CSTF2T: variants seen among roughly 807,000 people sequenced by gnomAD.
CSTF2T encodes cleavage stimulation factor subunit 2 tau variant, also known as CF-1 64 kDa subunit tau.
A neutral mutation model predicts 39.9 loss-of-function variants in CSTF2T; 18 were observed. The observed-to-expected ratio is 0.45, with a 90% CI of 0.31 to 0.67. The LOEUF (loss-of-function observed/expected upper bound fraction) is 0.67. Among genes scored for constraint, CSTF2T ranks in the 30% least tolerant of loss-of-function variants. CSTF2T has a pLI of 0.06. For missense variants in CSTF2T, 681 were observed against 789.0 expected, an observed-to-expected ratio of 0.86 and a Z score of 1.64; for synonymous variants, 291 against 276.4, an observed-to-expected ratio of 1.05 and a Z score of -0.52.
chr10:51,698,754 C>G lies in CSTF2T; in HGVS notation c.796G>C (p.Gly266Arg), dbSNP rs768997942. Residue 266 changes from glycine (G) to arginine (R), a missense_variant, in exon 1 of 1, where the codon GGG becomes CGG. Physicochemically the swap from Gly to Arg is moderately radical, Grantham distance 125. This residue lies in a region of CSTF2T where 329 missense variants were observed against 344.1 expected (regional missense o/e 0.96). Coordinates refer to ENST00000331173, the MANE Select transcript of CSTF2T (RefSeq NM_015235.3). Reference sequence around the variant, plus strand: ...CCGGGAACTGCAGCTGGTATTGGCCCTGGAGCTGGAATTCCACCCTGGATA... The same window carrying G: ...CCGGGAACTGCAGCTGGTATTGGCCGTGGAGCTGGAATTCCACCCTGGATA... ...TPIQGGIPAP[G>R]PIPAAVPGAG... 6.2e-7 allele frequency: 1 copy of G among 1,614,054 alleles called. No individual in the cohort carries two copies.
At position 51,698,778 on chromosome 10, in the gene CSTF2T, T is replaced by C. The variant is rs1424545729; in HGVS notation, c.772A>G (p.Ile258Val). 7 of 1,614,126 alleles carry C rather than the reference T, an allele frequency of 4.3e-6. No individual in the cohort carries two copies. Among genetic ancestry groups the C allele is most frequent in the Non-Finnish European group, 5.1e-6 (6 of 1,180,026 alleles). The stretch of plus-strand genomic sequence containing the variant: ...CCTGGAGCTGGAATTCCACCCTGGA[T>C]AGGAGTCTGCATCAGAGGAGGAATG... ...KDIPPLMQTP[I>V]QGGIPAPGPI... Residue 258 changes from isoleucine to valine, a missense_variant, in exon 1 of 1, where the codon ATC (isoleucine) becomes GTC (valine). Coordinates refer to ENST00000331173, the MANE Select transcript of CSTF2T (RefSeq NM_015235.3).
chr10:51,699,573 A>C lies in CSTF2T; in HGVS notation c.-24T>G, dbSNP rs1841407940. ...ATGATTCCGGTTGTGCAGACAGCCG[A>C]TAGCGGATTCTTCGAGGCGTCTGTC... On this transcript the variant is annotated 5_prime_UTR_variant, in exon 1 of 1. Coordinates refer to ENST00000331173, the MANE Select transcript of CSTF2T (RefSeq NM_015235.3). 5.7e-6 allele frequency: 9 copies of C among 1,587,618 alleles called. No individual in the cohort carries two copies. Among genetic ancestry groups the C allele is most frequent in the African/African-American group, 1.4e-5 (1 of 73,834 alleles).
At position 51,697,619 on chromosome 10, in the gene CSTF2T, A is replaced by G. The variant is rs2132405538; in HGVS notation, c.*80T>C. 7.3e-7 allele frequency: 1 copy of G among 1,369,888 alleles called. No homozygotes were observed. Among genetic ancestry groups the G allele is most frequent in the South Asian group, 1.3e-5 (1 of 77,664 alleles). The allele number at this position is 1,369,888 out of a possible 1,614,324, so 84.9% of individuals were successfully genotyped here. A position where few individuals can be genotyped will look rare whatever the true frequency, so the allele number is the denominator to read the frequency against. The stretch of plus-strand genomic sequence containing the variant: ...GAAACCCTAATCCAAGTGTGGGGAT[A>G]CAGAAGTCAGCTTTTTGCACCCATT... On this transcript the variant is annotated 3_prime_UTR_variant, in exon 1 of 1. Transcript: ENST00000331173.
At position 51,699,253 on chromosome 10, in the gene CSTF2T, C is replaced by A; in HGVS notation, c.297G>T (p.Glu99Asp). 1 of 1,614,042 alleles carries A rather than the reference C, an allele frequency of 6.2e-7. No individual in the cohort carries two copies. The highest frequency in any genetic ancestry group is 2.2e-5 in the East Asian group (1 of 44,854). Residue 99 changes from glutamate to aspartate, a missense_variant, in exon 1 of 1, where the codon GAG becomes GAT. Physicochemically the swap from Glu to Asp is conservative, Grantham distance 45. This residue lies in a region of CSTF2T where 65 missense variants were observed against 134.2 expected (regional missense o/e 0.48). Coordinates refer to ENST00000331173, the MANE Select transcript of CSTF2T (RefSeq NM_015235.3). ...CTGCAGGCCCAAGGCTCTTTAACTCCTCCTTATTCTTTTCACTGGCAGCAT... is the reference window on the plus strand; with the variant it reads ...CTGCAGGCCCAAGGCTCTTTAACTCATCCTTATTCTTTTCACTGGCAGCAT... Reference protein sequence around the residue: ...VDNAASEKNKEELKSLGPAAP... With the variant: ...VDNAASEKNKDELKSLGPAAP...
rs749005741 is a variant in CSTF2T at position 51,696,823 on chromosome 10, C to T, written c.*876G>A. On this transcript the variant is annotated 3_prime_UTR_variant, in exon 1 of 1. Transcript: ENST00000331173. ...ATGAAAAGTCAAATACCATTTATAA[C>T]TCATCTAGATCAACCAGTCCCTAGA... The T allele has an allele frequency of 6.6e-6, 1 of 152,070 alleles. No homozygotes were observed. The highest frequency in any genetic ancestry group is 1.5e-5 in the Non-Finnish European group (1 of 68,022). 9.4% of individuals were successfully genotyped at this position (152,070 alleles called of 1,614,324 possible).
Position 51,697,548 on chromosome 10 carries a change from A to T in CSTF2T, c.*151T>A. 3 of 798,034 alleles carry T rather than the reference A, an allele frequency of 3.8e-6. No homozygotes were observed. The highest frequency in any genetic ancestry group is 1.9e-5 in the South Asian group (1 of 52,462). 49.4% of individuals were successfully genotyped at this position (798,034 alleles called of 1,614,324 possible). A position where few individuals can be genotyped will look rare whatever the true frequency, so the allele number is the denominator to read the frequency against. ...TCAATTAAAAAAAAAAGGAAAACAG[A>T]AAGAAAGAAAAAGAACAAAAAATAA... On this transcript the variant is annotated 3_prime_UTR_variant, in exon 1 of 1. Transcript: ENST00000331173.
In CSTF2T at chr10:51,697,454, T is replaced by G. The variant is rs1000903918; in HGVS notation, c.*245A>C. The G allele has an allele frequency of 7.7e-6, 4 of 516,150 alleles. No homozygotes were observed. The highest frequency in any genetic ancestry group is 7.7e-5 in the African/African-American group (4 of 51,902). 32.0% of individuals were successfully genotyped at this position (516,150 alleles called of 1,614,324 possible). A position where few individuals can be genotyped will look rare whatever the true frequency, so the allele number is the denominator to read the frequency against. On this transcript the variant is annotated 3_prime_UTR_variant, in exon 1 of 1. Coordinates refer to ENST00000331173, the MANE Select transcript of CSTF2T (RefSeq NM_015235.3). ...TTCTTTGTAATCTTATTTGGCATAA[T>G]ATAATCATGTTCAGAGTTATTTTAA...
chr10:51,699,159 C>T lies in CSTF2T; in HGVS notation c.391G>A (p.Ala131Thr), dbSNP rs1252449904. ...PEDAPESITR[A>T]VASLPPEQMF... Reference sequence around the variant, plus strand: ...TGCTCCGGGGGGAGACTGGCTACTGCTCTGGTAATCGATTCAGGGGCATCT... The same window carrying T: ...TGCTCCGGGGGGAGACTGGCTACTGTTCTGGTAATCGATTCAGGGGCATCT... The change falls in exon 1 of 1, where the codon GCA (alanine) becomes ACA (threonine). Residue 131 changes from alanine (A) to threonine (T), a missense_variant. Ala to Thr is a moderately conservative substitution (Grantham distance 58, BLOSUM62 0). This residue lies in a region of CSTF2T where 329 missense variants were observed against 344.1 expected (regional missense o/e 0.96). Transcript: ENST00000331173. 6.2e-7 allele frequency: 1 copy of T among 1,614,066 alleles called. No individual in the cohort carries two copies. Among genetic ancestry groups the T allele is most frequent in the African/African-American group, 1.3e-5 (1 of 74,946 alleles).
chr10:51,698,246 C>G lies in CSTF2T; in HGVS notation c.1304G>C (p.Arg435Thr). 1 of 1,614,160 alleles carries G rather than the reference C, an allele frequency of 6.2e-7. No individual in the cohort carries two copies. Among genetic ancestry groups the G allele is most frequent in the South Asian group, 1.1e-5 (1 of 91,082 alleles). ...TEVLETRVME[R>T]RGMETCAMET... is the part of the protein sequence containing the mutation. ...CATCGCACAGGTCTCCATTCCTCTCCTCTCCATTACACGTGTCTCTAAGAC... is the reference window on the plus strand; with the variant it reads ...CATCGCACAGGTCTCCATTCCTCTCGTCTCCATTACACGTGTCTCTAAGAC... Residue 435 changes from arginine to threonine, a missense_variant, in exon 1 of 1, where the codon AGG becomes ACG. Around this residue, in one of 4 missense-constraint regions of CSTF2T, gnomAD observed 282 missense variants for 289.2 expected, o/e 0.98. Transcript: ENST00000331173.
At position 51,698,645 on chromosome 10, in the gene CSTF2T, C is replaced by A; in HGVS notation, c.905G>T (p.Arg302Leu). 6.2e-7 allele frequency: 1 copy of A among 1,614,124 alleles called. No homozygotes were observed. The highest frequency in any genetic ancestry group is 8.5e-7 in the Non-Finnish European group (1 of 1,180,040). Residue 302 changes from arginine to leucine, a missense_variant, in exon 1 of 1, where the codon CGG (arginine) becomes CTG (leucine). By Grantham distance (102) the Arg-to-Leu change is moderately radical. Transcript: ENST00000331173. ...AGGATCTGACATCTGCACTTGTCCC[C>A]GCTCTAAAGGCACTGGGCCAACCCC... ...MPGVGPVPLE[R>L]GQVQMSDPRA... is the part of the protein sequence containing the mutation.
Position 51,695,873 on chromosome 10 carries a change from T to G in CSTF2T, c.*1826A>C, listed in dbSNP as rs895461342. The G allele has an allele frequency of 2.0e-5, 3 of 152,190 alleles. No individual in the cohort carries two copies. Among genetic ancestry groups the G allele is most frequent in the Admixed American group, 1.3e-4 (2 of 15,266 alleles). 9.4% of individuals were successfully genotyped at this position (152,190 alleles called of 1,614,324 possible). ...TTCAGCTCTTTGTATTAAACATTTTTTCATCTGTAACTAGATATTGGTTTT... is the reference window on the plus strand; with the variant it reads ...TTCAGCTCTTTGTATTAAACATTTTGTCATCTGTAACTAGATATTGGTTTT... On this transcript the variant is annotated 3_prime_UTR_variant, in exon 1 of 1. Transcript: ENST00000331173.
rs978770104 is a variant in CSTF2T, at chr10:51,698,186, G to A, written c.1364C>T (p.Ala455Val). The stretch of plus-strand genomic sequence containing the variant: ...AGGGCCCCTCATCTCCAATCCTCTT[G>A]CATCCATGCCCCTTGCTTCCATCCC... The part of the protein sequence containing the change: ...TRGMEARGMD[A>V]RGLEMRGPVP... The change falls in exon 1 of 1, where the codon GCA becomes GTA. Residue 455 changes from alanine (A) to valine (V), a missense_variant. By Grantham distance (64) the Ala-to-Val change is moderately conservative (BLOSUM62 0). Around this residue, in one of 4 missense-constraint regions of CSTF2T, gnomAD observed 282 missense variants for 289.2 expected, o/e 0.98. Transcript: ENST00000331173. 5 of 1,613,966 alleles carry A rather than the reference G, an allele frequency of 3.1e-6. No individual in the cohort carries two copies. Among genetic ancestry groups the A allele is most frequent in the African/African-American group, 2.7e-5 (2 of 74,884 alleles).
rs765284820 is a variant in CSTF2T at position 51,699,346 on chromosome 10, C to A, written c.204G>T (p.Glu68Asp). ...GYGFCEYQDQ[E>D]TALSAMRNLN... ...GGTTCCGCATGGCACTAAGCGCGGTCTCCTGGTCTTGGTATTCGCAGAAGC... is the reference window on the plus strand; with the variant it reads ...GGTTCCGCATGGCACTAAGCGCGGTATCCTGGTCTTGGTATTCGCAGAAGC... The change falls in exon 1 of 1, where the codon GAG becomes GAT. Residue 68 changes from glutamate to aspartate, a missense_variant. This residue lies in a region of CSTF2T where 65 missense variants were observed against 134.2 expected (regional missense o/e 0.48). Coordinates refer to ENST00000331173, the MANE Select transcript of CSTF2T (RefSeq NM_015235.3). The A allele has an allele frequency of 3.1e-6, 5 of 1,614,164 alleles. No homozygotes were observed. Among genetic ancestry groups the A allele is most frequent in the Non-Finnish European group, 4.2e-6 (5 of 1,180,042 alleles).
In CSTF2T at chr10:51,698,968, C is replaced by T. The variant is rs1841387817; in HGVS notation, c.582G>A (p.Lys194=). The T allele has an allele frequency of 6.2e-7, 1 of 1,614,146 alleles. No individual in the cohort carries two copies. Among genetic ancestry groups the T allele is most frequent in the Admixed American group, 1.7e-5 (1 of 60,012 alleles). The change falls in exon 1 of 1, where the codon AAG becomes AAA. Residue 194 remains lysine (K), a synonymous_variant. Coordinates refer to ENST00000331173, the MANE Select transcript of CSTF2T (RefSeq NM_015235.3). Reference sequence around the variant, plus strand: ...CTGGGATCAGTGGTGTGACATGTATCTTCCGATGCAGAATTTTCAGAGCAA... The same window carrying T: ...CTGGGATCAGTGGTGTGACATGTATTTTCCGATGCAGAATTTTCAGAGCAA... ...PEIALKILHR[K]IHVTPLIPGK... is the part of the protein sequence containing the mutation.
Position 51,697,840 on chromosome 10 carries a change from A to G in CSTF2T, c.1710T>C (p.Thr570=), listed in dbSNP as rs1280564051. The G allele has an allele frequency of 2.7e-5, 43 of 1,614,020 alleles. No homozygotes were observed. Among genetic ancestry groups the G allele is most frequent in the Non-Finnish European group, 3.6e-5 (42 of 1,180,034 alleles). Residue 570 remains threonine, a synonymous_variant, in exon 1 of 1, where the codon ACT becomes ACC. Transcript: ENST00000331173. ...AAGCTGCCTTCTCCTGATCCTGTGG[A>G]GTGACCTGGCTCTGCCCAGGACTAA... The part of the protein sequence containing the change: ...SSFSPGQSQV[T]PQDQEKAALI...
Position 51,699,222 on chromosome 10 carries a change from T to C in CSTF2T, c.328A>G (p.Ile110Val). Residue 110 changes from isoleucine (I) to valine (V), a missense_variant, in exon 1 of 1, where the codon ATT becomes GTT. Physicochemically the swap from Ile to Val is conservative, Grantham distance 29. Coordinates refer to ENST00000331173, the MANE Select transcript of CSTF2T (RefSeq NM_015235.3). Reference sequence around the variant, plus strand: ...GGATCCCCATAGGGTGAGTCAATAATGGGCGCTGCAGGCCCAAGGCTCTTT... The same window carrying C: ...GGATCCCCATAGGGTGAGTCAATAACGGGCGCTGCAGGCCCAAGGCTCTTT... ...ELKSLGPAAP[I>V]IDSPYGDPID... The C allele has an allele frequency of 1.2e-6, 2 of 1,614,142 alleles. No homozygotes were observed. Among genetic ancestry groups the C allele is most frequent in the African/African-American group, 1.3e-5 (1 of 75,034 alleles).
rs1197655036 is a variant in CSTF2T at position 51,695,984 on chromosome 10, T to A, written c.*1715A>T. 6.6e-6 allele frequency: 1 copy of A among 152,184 alleles called. No individual in the cohort carries two copies. The highest frequency in any genetic ancestry group is 2.4e-5 in the African/African-American group (1 of 41,454). The allele number at this position is 152,184 out of a possible 1,614,324, so 9.4% of individuals were successfully genotyped here. The stretch of plus-strand genomic sequence containing the variant: ...TATGATACCAACATTTATGTTCACA[T>A]CCTCAAGGCTTTATTTTCAAGAAAA... On this transcript the variant is annotated 3_prime_UTR_variant, in exon 1 of 1. Transcript: ENST00000331173.
rs767657145 is a variant in CSTF2T at position 51,699,574 on chromosome 10, T to G, written c.-25A>C. On this transcript the variant is annotated 5_prime_UTR_variant, in exon 1 of 1. Coordinates refer to ENST00000331173, the MANE Select transcript of CSTF2T (RefSeq NM_015235.3). ...TGATTCCGGTTGTGCAGACAGCCGA[T>G]AGCGGATTCTTCGAGGCGTCTGTCC... The G allele has an allele frequency of 6.3e-7, 1 of 1,586,552 alleles. No individual in the cohort carries two copies. The highest frequency in any genetic ancestry group is 2.2e-5 in the East Asian group (1 of 44,710).
At position 51,698,154 on chromosome 10, in the gene CSTF2T, T is replaced by A. The variant is rs759400764; in HGVS notation, c.1396A>T (p.Ser466Cys). 6.2e-7 allele frequency: 1 copy of A among 1,614,158 alleles called. No individual in the cohort carries two copies. The highest frequency in any genetic ancestry group is 8.5e-7 in the Non-Finnish European group (1 of 1,180,018). The change falls in exon 1 of 1, where the codon AGT (serine) becomes TGT (cysteine). Residue 466 changes from serine (S) to cysteine (C), a missense_variant. Ser to Cys is a moderately radical substitution (Grantham distance 112). Transcript: ENST00000331173. The part of the protein sequence containing the change: ...RGLEMRGPVP[S>C]SRGPMTGGIQ... ...CCACCAGTCATAGGGCCTCTTGAAC[T>A]GGGGACAGGGCCCCTCATCTCCAAT...
Sources: allele counts gnomAD v4.1 joint callset, GRCh38; gene constraint gnomAD v4.1.1; regional missense constraint gnomAD v4.1.1; transcripts MANE v1.5; gene names NCBI Gene and HGNC (gene_info 2026-07-23, HGNC 2026-07-21).